NUS1: variants seen among roughly 807,000 people sequenced by gnomAD.
NUS1 encodes NUS1 dehydrodolichyl diphosphate synthase subunit, also known as dehydrodolichyl diphosphate synthase complex subunit NUS1.
For synonymous variants in NUS1, 135 were observed against 155.2 expected, an observed-to-expected ratio of 0.87 and a Z score of 0.97; for missense variants, 292 against 382.9, an observed-to-expected ratio of 0.76 and a Z score of 1.98.
intron 3 of NUS1, 122 bp from the exon 4 acceptor site, chr6:117,703,483 A>C: frequency 1.4e-6 from 1 of 723,480 alleles, no homozygotes; most frequent in East Asian, 2.5e-5. Context: ...CTTCTGAAGA[A>C]AACAGGTAGT....
chr6:117,685,411 C>G (rs1232162614), intron 1 of NUS1, among the ~76,000 whole-genome samples: 1 of 151,236 alleles, frequency 6.6e-6, no homozygotes, highest in Non-Finnish European at 1.5e-5. Flanking sequence ...CAGGGTCTTA[C>G]TTTGTTGCCC....
Position 117,708,519 on chromosome 6 carries a change from TC to T in NUS1, c.*1505del, listed in dbSNP as rs1773531869. ...TCTGAAGCTATGAAGAATAAATGTT[TC>T]AACTTTGGATTATGAAACCCCATTT... On this transcript the variant is annotated 3_prime_UTR_variant, in exon 5 of 5. Coordinates refer to ENST00000368494, the MANE Select transcript of NUS1 (RefSeq NM_138459.5). The T allele has an allele frequency of 6.6e-6, 1 of 152,368 alleles. No individual in the cohort carries two copies. Among genetic ancestry groups the T allele is most frequent in the Admixed American group, 6.6e-5 (1 of 15,244 alleles). The allele number at this position is 152,368 out of a possible 1,614,324, so 9.4% of individuals were successfully genotyped here. A position where few individuals can be genotyped will look rare whatever the true frequency, so the allele number is the denominator to read the frequency against.
intron 1 of NUS1, among the ~76,000 whole-genome samples, chr6:117,689,756 AGGTCTT>A (rs1291913433): frequency 8.6e-5 from 13 of 152,006 alleles, no homozygotes; most frequent in African/African-American, 3.1e-4. Context: ...TGTAGAGACA[AGGTCTT>A]GCTATGTTGC....
chr6:117,681,126 C>A (rs1164734055), intron 1 of NUS1, among the ~76,000 whole-genome samples: 1 of 152,186 alleles, frequency 6.6e-6, no homozygotes, highest in Non-Finnish European at 1.5e-5. Flanking sequence ...CCGAGTCAAT[C>A]CTAAATATCA....
chr6:117,678,383 C>T (rs1037932402), intron 1 of NUS1, among the ~76,000 whole-genome samples: 8 of 152,094 alleles, frequency 5.3e-5, no homozygotes, highest in African/African-American at 1.9e-4. Flanking sequence ...GATACTCTTC[C>T]AGACATGGGA....
At chr6:117,703,354 A>T (rs917158436) in intron 3 of NUS1, among the ~76,000 whole-genome samples, 10 of 152,156 alleles carry the variant, frequency 6.6e-5, no homozygotes, top group Non-Finnish European at 1.0e-4. Flanking sequence ...ACCCTTTCTT[A>T]TCAGGTAATC....
chr6:117,683,988 T>G (rs1164460637), intron 1 of NUS1, among the ~76,000 whole-genome samples: 1 of 152,222 alleles, frequency 6.6e-6, no homozygotes, highest in Non-Finnish European at 1.5e-5. Context: ...GTAGGTAGAT[T>G]AGGCAAATTA....
chr6:117,676,225 C>T (rs1227986957), intron 1 of NUS1, 140 bp downstream of exon 1: 1 of 1,320,294 alleles, frequency 7.6e-7, no homozygotes, highest in Non-Finnish European at 1.0e-6. Flanking sequence ...GAAGGGAGAT[C>T]AGCTTTATTG....
Position 117,710,589 on chromosome 6 carries a change from TC to T in NUS1, c.*3575del, listed in dbSNP as rs1232371132. 5.3e-5 allele frequency: 8 copies of T among 152,298 alleles called. No homozygotes were observed. The highest frequency in any genetic ancestry group is 1.9e-4 in the African/African-American group (8 of 41,580). The allele number at this position is 152,298 out of a possible 1,614,324, so 9.4% of individuals were successfully genotyped here. ...TTGTACTATATTTTAAAAAATGTAT[TC>T]TACTGTAACAAGTTAATAAAGAGAT... is the stretch of plus-strand genomic sequence containing the variant. On this transcript the variant is annotated 3_prime_UTR_variant, in exon 5 of 5. Coordinates refer to ENST00000368494, the MANE Select transcript of NUS1 (RefSeq NM_138459.5).
At chr6:117,680,048 A>G (rs1298794962) in intron 1 of NUS1, among the ~76,000 whole-genome samples, 2 of 152,230 alleles carry the variant, frequency 1.3e-5, no homozygotes, top group African/African-American at 4.8e-5. Context: ...TCTAGATAAC[A>G]ACATTTAATC....
Position 117,694,189 on chromosome 6 carries a change from T to TC in NUS1, c.691+9_691+10insC. 6.6e-7 allele frequency: 1 copy of TC among 1,514,234 alleles called. No homozygotes were observed. The highest frequency in any genetic ancestry group is 9.0e-7 in the Non-Finnish European group (1 of 1,109,110). 93.8% of individuals were successfully genotyped at this position (1,514,234 alleles called of 1,614,324 possible). ...GTTAGCCAGTTTACTTAGTAAGTTT[T>TC]TTTATATATATATACATATATATGT... is the stretch of plus-strand genomic sequence containing the variant. On this transcript the variant is annotated intron_variant, in intron 3 of 4. Transcript: ENST00000368494.
chr6:117,682,693 C>G (rs972528402), intron 1 of NUS1, among the ~76,000 whole-genome samples: 5 of 152,108 alleles, frequency 3.3e-5, no homozygotes, highest in African/African-American at 1.2e-4. Flanking sequence ...TGCCTTAAGT[C>G]ATTAGCAGTT....
rs1773522648 is a variant in NUS1, at chr6:117,707,852, T to G, written c.*837T>G. ...AAACCAAGCAAGCATAAAAGGTCAA[T>G]AAGTTGTAATCTTGATAGTAAAGGT... On this transcript the variant is annotated 3_prime_UTR_variant, in exon 5 of 5. Coordinates refer to ENST00000368494, the MANE Select transcript of NUS1 (RefSeq NM_138459.5). 6.6e-6 allele frequency: 1 copy of G among 152,358 alleles called. No individual in the cohort carries two copies. The highest frequency in any genetic ancestry group is 1.5e-5 in the Non-Finnish European group (1 of 68,046). 9.4% of individuals were successfully genotyped at this position (152,358 alleles called of 1,614,324 possible). A position where few individuals can be genotyped will look rare whatever the true frequency, so the allele number is the denominator to read the frequency against.
chr6:117,690,033 T>A (rs1773193671), intron 1 of NUS1, among the ~76,000 whole-genome samples: 1 of 152,218 alleles, frequency 6.6e-6, no homozygotes, highest in Admixed American at 6.5e-5. Context: ...GCTTTTTATA[T>A]ACATGTGAAT....
intron 1 of NUS1, among the ~76,000 whole-genome samples, chr6:117,690,955 G>A (rs1444817840): frequency 2.2e-5 from 3 of 134,350 alleles, no homozygotes; most frequent in African/African-American, 8.4e-5. Flanking sequence ...ACTCCAGTCT[G>A]AGTGACAGAG....
intron 1 of NUS1, among the ~76,000 whole-genome samples, chr6:117,692,061 A>G (rs950548919): frequency 2.5e-4 from 38 of 152,252 alleles, no homozygotes; most frequent in African/African-American, 8.9e-4. Flanking sequence ...AAATAGAGGT[A>G]CAACTGGTTG....
At chr6:117,695,158 C>A (rs1252879208) in intron 3 of NUS1, among the ~76,000 whole-genome samples, 7 of 115,428 alleles carry the variant, frequency 6.1e-5, no homozygotes, top group Non-Finnish European at 9.8e-5. Context: ...CGCATCAGTA[C>A]ACTCTAGCCT....
Position 117,708,341 on chromosome 6 carries a change from A to T in NUS1, c.*1326A>T, listed in dbSNP as rs1582479549. The T allele has an allele frequency of 6.6e-6, 1 of 152,650 alleles. No homozygotes were observed. Among genetic ancestry groups the T allele is most frequent in the Non-Finnish European group, 1.5e-5 (1 of 67,984 alleles). The allele number at this position is 152,650 out of a possible 1,614,324, so 9.5% of individuals were successfully genotyped here. On this transcript the variant is annotated 3_prime_UTR_variant, in exon 5 of 5. Coordinates refer to ENST00000368494, the MANE Select transcript of NUS1 (RefSeq NM_138459.5). ...AGAAACCATTCTTTATATTTGATAGACTGCTTTCAGAAAACCCTTATCAAC... is the reference window on the plus strand; with the variant it reads ...AGAAACCATTCTTTATATTTGATAGTCTGCTTTCAGAAAACCCTTATCAAC...
In NUS1 at chr6:117,675,827, G is replaced by C; in HGVS notation, c.157G>C (p.Gly53Arg). 1.3e-6 allele frequency: 2 copies of C among 1,548,484 alleles called. No individual in the cohort carries two copies. Among genetic ancestry groups the C allele is most frequent in the Non-Finnish European group, 1.7e-6 (2 of 1,147,848 alleles). ...CTCTGCCGCGGTCCTAGCGCCGCTC[G>C]GCTTCACGCTCCGCAAGCCCCCGGC... ...AASAAVLAPLGFTLRKPPAVG... is the reference protein window; with the variant it reads ...AASAAVLAPLRFTLRKPPAVG... The change falls in exon 1 of 5, where the codon GGC (glycine) becomes CGC (arginine). Residue 53 changes from glycine to arginine, a missense_variant. Coordinates refer to ENST00000368494, the MANE Select transcript of NUS1 (RefSeq NM_138459.5).
Sources: gnomAD v4.1 joint callset for allele counts (sites outside exome capture counted in the v4.1 genomes callset) on GRCh38, gnomAD v4.1.1 for gene constraint, MANE v1.5 for transcripts, NCBI Gene and HGNC (gene_info 2026-07-23, HGNC 2026-07-21) for gene names.